Variants in SHISA5 observed in about 807,000 individuals in gnomAD.
SHISA5 encodes the protein shisa family member 5.
SHISA5 carries 21 observed loss-of-function variants against 27.5 expected under a neutral mutation model. The observed-to-expected ratio is 0.76, with a 90% CI of 0.54 to 1.10. The LOEUF (loss-of-function observed/expected upper bound fraction) is 1.10, where lower values mean the gene tolerates loss of function less well. Among genes scored for constraint, SHISA5 ranks in the 50% least tolerant of loss-of-function variants. The pLI is 0.00. For synonymous variants in SHISA5, 137 were observed against 142.2 expected (o/e 0.96, Z 0.26); for missense variants, 314 against 336.3 (o/e 0.93, Z 0.52).
Position 48,473,714 on chromosome 3 carries a change from G to T in SHISA5, c.315-3871C>A. ...AAAGGAATTTGCTTTATAATTACAT[G>T]TTAAACTGAGTGTGTCTGTGCTTTC... On this transcript the variant is annotated intron_variant, in intron 3 of 5. Coordinates refer to ENST00000296444, the MANE Select transcript of SHISA5 (RefSeq NM_016479.6). The surrounding 1 kb of genome is among the most constrained non-coding windows in gnomAD (Gnocchi z 4.3). The T allele has an allele frequency of 2.0e-6, 1 of 500,824 alleles. No individual in the cohort carries two copies. Among genetic ancestry groups the T allele is most frequent in the Non-Finnish European group, 2.6e-6 (1 of 387,538 alleles). 31.0% of individuals were successfully genotyped at this position (500,824 alleles called of 1,614,324 possible).
At chr3:48,496,733 CAA>C (rs1303110775) in intron 2 of SHISA5, among the ~76,000 whole-genome samples, 1 of 103,496 alleles carries the variant, frequency 9.7e-6, no homozygotes, top group Non-Finnish European at 2.0e-5. Flanking sequence ...GACTTCGTCT[CAA>C]AAAAAAAAAG....
At chr3:48,494,264 C>G (rs1345135695) in intron 2 of SHISA5, among the ~76,000 whole-genome samples, 1 of 146,288 alleles carries the variant, frequency 6.8e-6, no homozygotes, top group Non-Finnish European at 1.5e-5. Flanking sequence ...CCAGGTACAT[C>G]CATGTCATCA....
chr3:48,478,907 C>T (rs1282453052), intron 3 of SHISA5, among the ~76,000 whole-genome samples: 1 of 152,108 alleles, frequency 6.6e-6, no homozygotes, highest in East Asian at 1.9e-4. Context: ...CTGACTCAAC[C>T]CAGCATCTAG....
chr3:48,489,078 C>T (rs900952913), intron 2 of SHISA5, among the ~76,000 whole-genome samples: 14 of 152,132 alleles, frequency 9.2e-5, no homozygotes, highest in African/African-American at 2.6e-4. Context: ...TAAGATCCTA[C>T]AGGACTGGGC....
chr3:48,489,690 T>A (rs1049466583), intron 2 of SHISA5, among the ~76,000 whole-genome samples: 7 of 144,846 alleles, frequency 4.8e-5, no homozygotes, highest in African/African-American at 1.6e-4. Context: ...TGCAGTAGTG[T>A]GATCACAGCT....
intron 2 of SHISA5, 23 bp from the exon 3 acceptor site, chr3:48,479,280 T>C: frequency 6.3e-7 from 1 of 1,594,262 alleles, no homozygotes; most frequent in Non-Finnish European, 8.5e-7. Flanking sequence ...AACCTTGTGA[T>C]TAGCACAATG....
At chr3:48,475,115 A>C (rs931051586) in intron 3 of SHISA5, among the ~76,000 whole-genome samples, 1 of 152,146 alleles carries the variant, frequency 6.6e-6, no homozygotes, top group Non-Finnish European at 1.5e-5. Context: ...ATAAAAAAAA[A>C]ATTTTTGCAT....
At chr3:48,484,331 C>T (rs1336811653) in intron 2 of SHISA5, among the ~76,000 whole-genome samples, 1 of 152,210 alleles carries the variant, frequency 6.6e-6, no homozygotes, top group East Asian at 1.9e-4. Context: ...TGCGGTGGCT[C>T]ATGCCTGTAA....
intron 2 of SHISA5, among the ~76,000 whole-genome samples, chr3:48,481,441 AAAAAT>A (rs58732653): frequency 7.3e-4 from 106 of 144,272 alleles, no homozygotes; most frequent in East Asian, 1.0e-3. Flanking sequence ...TCTGTCTCAA[AAAAAT>A]AAAATAAAAT....
intron 3 of SHISA5, among the ~76,000 whole-genome samples, chr3:48,471,492 T>C (rs1575302943): frequency 7.0e-6 from 1 of 143,698 alleles, no homozygotes; most frequent in Middle Eastern, 3.7e-3. Context: ...GAGGTGGAGG[T>C]TGTAGTGAGC....
chr3:48,469,876 T>G lies in SHISA5; in HGVS notation c.315-33A>C. On this transcript the variant is annotated intron_variant, in intron 3 of 5. Transcript: ENST00000296444. The surrounding 1 kb of genome is among the most constrained non-coding windows in gnomAD (Gnocchi z 4.6). ...AGAGCTAGACGTGACCCGGGGCACC[T>G]CGCCCCTCCCCAGACCAGCATCCAC... 6.3e-7 allele frequency: 1 copy of G among 1,597,250 alleles called. No homozygotes were observed. The highest frequency in any genetic ancestry group is 8.5e-7 in the Non-Finnish European group (1 of 1,171,704).
chr3:48,496,109 A>G (rs2041539858), intron 2 of SHISA5, among the ~76,000 whole-genome samples: 1 of 140,880 alleles, frequency 7.1e-6, no homozygotes, highest in Non-Finnish European at 1.5e-5. Context: ...ACATGGTGAA[A>G]CCCCATCTCT....
At chr3:48,504,184 G>A, upstream of SHISA5, 1 of 494,876 alleles carries the variant, frequency 2.0e-6, no homozygotes, top group South Asian at 8.8e-5. This position sits in a 1 kb window ranked among gnomAD's most constrained non-coding sequence, Gnocchi z 4.0. Flanking sequence ...CCTCTCCCTC[G>A]CCCCGCCCCG....
chr3:48,477,921 G>C (rs1372104540), intron 3 of SHISA5, among the ~76,000 whole-genome samples: 2 of 152,172 alleles, frequency 1.3e-5, no homozygotes, highest in Non-Finnish European at 2.9e-5. Context: ...ACCTCCTACA[G>C]AAACGACTTC....
chr3:48,483,340 A>T (rs549028203), intron 2 of SHISA5, among the ~76,000 whole-genome samples: 20 of 152,052 alleles, frequency 1.3e-4, no homozygotes, highest in Non-Finnish European at 2.6e-4. Flanking sequence ...CACATCTTGC[A>T]CCGCCCTTAA....
Position 48,473,409 on chromosome 3 carries a change from C to G in SHISA5, c.315-3566G>C, listed in dbSNP as rs1219474871. On this transcript the variant is annotated intron_variant, in intron 3 of 5. Coordinates refer to ENST00000296444, the MANE Select transcript of SHISA5 (RefSeq NM_016479.6). This position sits in a 1 kb window ranked among gnomAD's most constrained non-coding sequence, Gnocchi z 4.3. ...ACCACACTCTAGCTCAGCAGCACCC[C>G]CACCCCCACTTCCACCTAACCCACC... 2.3e-6 allele frequency: 3 copies of G among 1,313,246 alleles called. No homozygotes were observed. The highest frequency in any genetic ancestry group is 3.0e-6 in the Non-Finnish European group (3 of 1,004,974). 81.3% of individuals were successfully genotyped at this position (1,313,246 alleles called of 1,614,324 possible).
Position 48,469,165 on chromosome 3 carries a change from G to A in SHISA5, c.665C>T (p.Pro222Leu). The change falls in exon 6 of 6, where the codon CCC becomes CTC. Residue 222 changes from proline to leucine, a missense_variant. By Grantham distance (98) the Pro-to-Leu change is moderately conservative. Coordinates refer to ENST00000296444, the MANE Select transcript of SHISA5 (RefSeq NM_016479.6). The surrounding 1 kb of genome is among the most constrained non-coding windows in gnomAD (Gnocchi z 4.6). ...CGGGTTGTAAGGAGGCTGGCTGGCG[G>A]GGTAGGGCGCGGCTGCTCCTCCTGA... is the stretch of plus-strand genomic sequence containing the variant. ...TLAGGAAAPY[P>L]ASQPPYNPAY... 6.2e-7 allele frequency: 1 copy of A among 1,612,770 alleles called. No individual in the cohort carries two copies. Among genetic ancestry groups the A allele is most frequent in the Non-Finnish European group, 8.5e-7 (1 of 1,179,992 alleles).
rs983139025 is a variant in SHISA5, at chr3:48,493,390, G to A, written c.233+7747C>T. On this transcript the variant is annotated intron_variant, in intron 2 of 5. Transcript: ENST00000296444. ...GGCTGCAGTGAGCTGAGACTGTGCC[G>A]CTGCAGTGAGCTGAGACTGTGCCAC... 9.5e-5 allele frequency among the ~76,000 whole-genome samples: 14 copies of A among 146,726 alleles called. 1 individual carries two copies. The highest frequency in any genetic ancestry group is 2.4e-4 in the African/African-American group (9 of 36,842).
chr3:48,491,166 T>C (rs893949523), intron 2 of SHISA5, among the ~76,000 whole-genome samples: 1 of 148,344 alleles, frequency 6.7e-6, no homozygotes, highest in Non-Finnish European at 1.5e-5. Context: ...TCGCCCAGGC[T>C]GGAGTGCAGT....
Sources: gnomAD v4.1 joint callset for allele counts (sites outside exome capture counted in the v4.1 genomes callset) on GRCh38, gnomAD v4.1.1 for gene constraint, Gnocchi (gnomAD v3.1) non-coding constraint, MANE v1.5 for transcripts, NCBI Gene and HGNC (gene_info 2026-07-23, HGNC 2026-07-21) for gene names.